MRPL16: variants seen among roughly 807,000 people sequenced by gnomAD.
MRPL16 encodes large ribosomal subunit protein uL16m.
In MRPL16, 17 loss-of-function variants were observed where a neutral mutation model predicts 22.7. The observed-to-expected ratio is 0.75, with a 90% CI of 0.51 to 1.12. MRPL16 has a LOEUF of 1.12. MRPL16 is among the 50% of genes most tolerant of loss of function. MRPL16 has a pLI of 0.00. For synonymous variants in MRPL16, 103 were observed against 112.8 expected (o/e 0.91, Z 0.55); for missense variants, 316 against 328.7 (o/e 0.96, Z 0.30).
intron 3 of MRPL16, 171 bp downstream of exon 3, chr11:59,807,530 C>A: frequency 1.8e-6 from 1 of 567,950 alleles, no homozygotes; most frequent in Admixed American, 3.1e-5. Flanking sequence ...AGATATATAA[C>A]CCAAATGTTT....
At chr11:59,810,457 G>GT in intron 1 of MRPL16, 147 bp downstream of exon 1, 1 of 1,488,544 alleles carries the variant, frequency 6.7e-7, no homozygotes, top group Non-Finnish European at 9.0e-7. Flanking sequence ...AACCCCTACG[G>GT]TGGAGGTCGG....
chr11:59,808,313 TCTTTAAAATAA>T (rs1866134175), intron 2 of MRPL16, among the ~76,000 whole-genome samples: 3 of 152,258 alleles, frequency 2.0e-5, no homozygotes, highest in African/African-American at 7.2e-5. Flanking sequence ...GTTCACTTAA[TCTTTAAAATAA>T]CTTTATAGCC....
rs1222994048 is a variant in MRPL16, at chr11:59,810,233, TACTG to T, written c.56-317_56-314del. The T allele has an allele frequency of 5.4e-6, 6 of 1,103,334 alleles. No individual in the cohort carries two copies. The African/African-American group carries it at 9.8e-5, about 18-fold the overall frequency. 68.3% of individuals were successfully genotyped at this position (1,103,334 alleles called of 1,614,324 possible). A position where few individuals can be genotyped will look rare whatever the true frequency, so the allele number is the denominator to read the frequency against. Reference sequence around the variant, plus strand: ...CATGTTGGCCAGGCTGGTTTCAAACTACTGACCTCAAGTGATTCGCCCGCCTCGG... The same window carrying T: ...CATGTTGGCCAGGCTGGTTTCAAACTACCTCAAGTGATTCGCCCGCCTCGG... On this transcript the variant is annotated intron_variant, in intron 1 of 3. Coordinates refer to ENST00000300151, the MANE Select transcript of MRPL16 (RefSeq NM_017840.4).
chr11:59,810,157 C>G, intron 1 of MRPL16: 2 of 673,346 alleles, frequency 3.0e-6, no homozygotes, highest in Non-Finnish European at 2.2e-6. Flanking sequence ...AGTCGCCCAC[C>G]ACCACGCCCA....
At position 59,806,463 on chromosome 11, in the gene MRPL16, T is replaced by C; in HGVS notation, c.640A>G (p.Thr214Ala). The C allele has an allele frequency of 6.2e-7, 1 of 1,614,240 alleles. No individual in the cohort carries two copies. The highest frequency in any genetic ancestry group is 8.5e-7 in the Non-Finnish European group (1 of 1,180,034). ...ERERNNQNPW[T>A]FERIATANML... Reference sequence around the variant, plus strand: ...TTGGCAGTGGCTATTCGCTCAAATGTCCAGGGGTTCTGGTTGTTACGTTCT... The same window carrying C: ...TTGGCAGTGGCTATTCGCTCAAATGCCCAGGGGTTCTGGTTGTTACGTTCT... Residue 214 changes from threonine to alanine, a missense_variant, in exon 4 of 4, where the codon ACA becomes GCA. Physicochemically the swap from Thr to Ala is moderately conservative, Grantham distance 58 (BLOSUM62 0). Transcript: ENST00000300151.
intron 1 of MRPL16, chr11:59,810,374 C>T: frequency 7.2e-7 from 1 of 1,393,678 alleles, no homozygotes; most frequent in East Asian, 2.7e-5. Flanking sequence ...GACTCAAAGG[C>T]TCAGGCTCCG....
chr11:59,806,550 A>G lies in MRPL16; in HGVS notation c.553T>C (p.Phe185Leu). The change falls in exon 4 of 4, where the codon TTC (phenylalanine) becomes CTC (leucine). Residue 185 changes from phenylalanine (F) to leucine (L), a missense_variant. Coordinates refer to ENST00000300151, the MANE Select transcript of MRPL16 (RefSeq NM_017840.4). ...FLDQVAHKLP[F>L]AAKAVSRGTL... ...CCGCGGCTCACAGCCTTTGCTGCGAAGGGCAACTTGTGGGCAACCTGGTCA... is the reference window on the plus strand; with the variant it reads ...CCGCGGCTCACAGCCTTTGCTGCGAGGGGCAACTTGTGGGCAACCTGGTCA... 1 of 1,614,222 alleles carries G rather than the reference A, an allele frequency of 6.2e-7. No individual in the cohort carries two copies. The highest frequency in any genetic ancestry group is 8.5e-7 in the Non-Finnish European group (1 of 1,180,042).
chr11:59,806,693 C>T lies in MRPL16; in HGVS notation c.410G>A (p.Gly137Glu). 1 of 1,614,152 alleles carries T rather than the reference C, an allele frequency of 6.2e-7. No homozygotes were observed. Among genetic ancestry groups the T allele is most frequent in the East Asian group, 2.2e-5 (1 of 44,884 alleles). ...PFKPITRKSV[G>E]HRMGGGKGAI... Reference sequence around the variant, plus strand: ...ACCTTTGCCTCCCCCCATGCGATGCCCAACACTTTTGCGAGTGATGGGCTT... The same window carrying T: ...ACCTTTGCCTCCCCCCATGCGATGCTCAACACTTTTGCGAGTGATGGGCTT... Residue 137 changes from glycine to glutamate, a missense_variant, in exon 4 of 4, where the codon GGG becomes GAG. Coordinates refer to ENST00000300151, the MANE Select transcript of MRPL16 (RefSeq NM_017840.4).
chr11:59,810,768 C>A lies in MRPL16; in HGVS notation c.-110G>T, dbSNP rs1383711071. On this transcript the variant is annotated 5_prime_UTR_variant, in exon 1 of 4. Coordinates refer to ENST00000300151, the MANE Select transcript of MRPL16 (RefSeq NM_017840.4). ...TAGCTGTAATCGGCTCAGGACACCGCTCAGTGGGGCCGGAAGTTGTGTTCA... is the reference window on the plus strand; with the variant it reads ...TAGCTGTAATCGGCTCAGGACACCGATCAGTGGGGCCGGAAGTTGTGTTCA... 5.8e-6 allele frequency: 7 copies of A among 1,210,938 alleles called. No individual in the cohort carries two copies. Among genetic ancestry groups the A allele is most frequent in the South Asian group, 1.3e-5 (1 of 76,310 alleles). The allele number at this position is 1,210,938 out of a possible 1,614,324, so 75.0% of individuals were successfully genotyped here.
At chr11:59,808,012 G>T (rs1866131804) in intron 2 of MRPL16, among the ~76,000 whole-genome samples, 163 bp from the exon 3 acceptor site, 1 of 152,138 alleles carries the variant, frequency 6.6e-6, no homozygotes, top group African/African-American at 2.4e-5. Flanking sequence ...TCAAACTCCT[G>T]GCCTCAAGTG....
rs1200596217 is a variant in MRPL16, at chr11:59,806,466, A to G, written c.637T>C (p.Trp213Arg). 1.2e-6 allele frequency: 2 copies of G among 1,614,228 alleles called. No individual in the cohort carries two copies. The highest frequency in any genetic ancestry group is 3.3e-5 in the Admixed American group (2 of 60,028). The part of the protein sequence containing the change: ...EERERNNQNP[W>R]TFERIATANM... The stretch of plus-strand genomic sequence containing the variant: ...GCAGTGGCTATTCGCTCAAATGTCC[A>G]GGGGTTCTGGTTGTTACGTTCTCTT... Residue 213 changes from tryptophan to arginine, a missense_variant, in exon 4 of 4, where the codon TGG becomes CGG. Coordinates refer to ENST00000300151, the MANE Select transcript of MRPL16 (RefSeq NM_017840.4).
chr11:59,807,367 A>G (rs1352683274), intron 3 of MRPL16: 4 of 194,800 alleles, frequency 2.1e-5, no homozygotes, highest in Non-Finnish European at 4.2e-5. Context: ...GCTACTCAAC[A>G]AGTAAGGAAA....
chr11:59,808,187 T>C (rs895232687), intron 2 of MRPL16, among the ~76,000 whole-genome samples: 5 of 152,230 alleles, frequency 3.3e-5, no homozygotes, highest in African/African-American at 1.2e-4. Flanking sequence ...CAGTGGCTAA[T>C]GCAAATGTTT....
At chr11:59,809,611 T>A in intron 2 of MRPL16, 1 of 447,882 alleles carries the variant, frequency 2.2e-6, no homozygotes, top group Non-Finnish European at 4.0e-6. Context: ...CAGTGGGAGG[T>A]TTTAGGGGAG....
intron 3 of MRPL16, 132 bp from the exon 4 acceptor site, chr11:59,806,964 C>T: frequency 7.6e-7 from 1 of 1,313,736 alleles, no homozygotes; most frequent in South Asian, 1.5e-5. Context: ...CTAATAAGTC[C>T]CATGGAGGAA....
At position 59,806,710 on chromosome 11, in the gene MRPL16, G is replaced by C; in HGVS notation, c.393C>G (p.Ile131Met). The change falls in exon 4 of 4, where the codon ATC becomes ATG. Residue 131 changes from isoleucine to methionine, a missense_variant. Physicochemically the swap from Ile to Met is conservative, Grantham distance 10 (BLOSUM62 1). Transcript: ENST00000300151. Reference protein sequence around the residue: ...IWRVPAPFKPITRKSVGHRMG... With the variant: ...IWRVPAPFKPMTRKSVGHRMG... ...TGCGATGCCCAACACTTTTGCGAGT[G>C]ATGGGCTTGAAAGGGGCTGGTACTC... The C allele has an allele frequency of 6.2e-7, 1 of 1,614,208 alleles. No homozygotes were observed. Among genetic ancestry groups the C allele is most frequent in the Non-Finnish European group, 8.5e-7 (1 of 1,180,050 alleles).
chr11:59,806,257 C>G lies in MRPL16; in HGVS notation c.*90G>C. On this transcript the variant is annotated 3_prime_UTR_variant, in exon 4 of 4. Coordinates refer to ENST00000300151, the MANE Select transcript of MRPL16 (RefSeq NM_017840.4). ...CTGCTCCTTAGTTATGGCTTAAGAG[C>G]TACCCAAAGACTTCAGTGGGTAGGC... The G allele has an allele frequency of 3.5e-6, 5 of 1,437,588 alleles. No homozygotes were observed. Among genetic ancestry groups the G allele is most frequent in the Non-Finnish European group, 4.7e-6 (5 of 1,058,566 alleles). 89.1% of individuals were successfully genotyped at this position (1,437,588 alleles called of 1,614,324 possible).
At position 59,806,528 on chromosome 11, in the gene MRPL16, C is replaced by T. The variant is rs144862531; in HGVS notation, c.575G>A (p.Arg192His). Residue 192 changes from arginine to histidine, a missense_variant, in exon 4 of 4, where the codon CGC becomes CAC. Physicochemically the swap from Arg to His is conservative, Grantham distance 29. Transcript: ENST00000300151. ...TTTTCGCATCTTCTCTAGAGTCCCG[C>T]GGCTCACAGCCTTTGCTGCGAAGGG... ...KLPFAAKAVSRGTLEKMRKDQ... is the reference protein window; with the variant it reads ...KLPFAAKAVSHGTLEKMRKDQ... The T allele has an allele frequency of 7.9e-5, 128 of 1,614,094 alleles. No individual in the cohort carries two copies. Among genetic ancestry groups the T allele is most frequent in the Admixed American group, 2.8e-4 (17 of 60,008 alleles).
At position 59,810,626 on chromosome 11, in the gene MRPL16, C is replaced by T. The variant is rs756271572; in HGVS notation, c.33G>A (p.Pro11=). Residue 11 remains proline (P), a synonymous_variant, in exon 1 of 4, where the codon CCG becomes CCA. Transcript: ENST00000300151. ...GACCTGACAAGGGCACCCGCAGGAG[C>T]GGCGCACTAGCGCGAGCCAGCAGCC... MWRLLARASA[P]LLRVPLSDSW... 1 of 1,614,168 alleles carries T rather than the reference C, an allele frequency of 6.2e-7. No individual in the cohort carries two copies.
Sources: allele counts gnomAD v4.1 joint callset (sites outside exome capture counted in the v4.1 genomes callset), GRCh38; gene constraint gnomAD v4.1.1; transcripts MANE v1.5; gene names NCBI Gene and HGNC (gene_info 2026-07-23, HGNC 2026-07-21).